CLIP4: variants seen among roughly 807,000 people sequenced by gnomAD.
CLIP4 encodes CAP-Gly domain-containing linker protein 4.
Under a neutral mutation model 73.1 loss-of-function variants are expected in CLIP4, and 47 were observed. The ratio of observed to expected loss-of-function variants is 0.64; its 90% CI spans 0.51 to 0.82. CLIP4 has a LOEUF of 0.82. Ranked by LOEUF, CLIP4 falls within the 40% of genes least tolerant of loss-of-function variation. The pLI, the probability that CLIP4 is intolerant of heterozygous loss-of-function variation, is 0.00. For synonymous variants in CLIP4, 306 were observed against 295.4 expected (o/e 1.04, Z -0.37); for missense variants, 874 against 852.9 (o/e 1.02, Z -0.31).
At position 29,107,371 on chromosome 2, in the gene CLIP4, T is replaced by TG. The variant is rs1558504980; in HGVS notation, c.-16+9424_-16+9425insG. 6.9e-3 allele frequency among the ~76,000 whole-genome samples: 824 copies of TG among 119,038 alleles called. 19 individuals are homozygous for TG. Among genetic ancestry groups the TG allele is most frequent in the African/African-American group, 0.028 (802 of 28,834 alleles). The allele number at this position is 119,038 out of a possible 152,430, so 78.1% of individuals were successfully genotyped here. On this transcript the variant is annotated intron_variant, in intron 1 of 14. Coordinates refer to the CLIP4 transcript ENST00000401605. ...TGGAACATGATAGTTTTTTTTTTTT[T>TG]TTTTTTTTTTTTTTTTTTGAGATGG...
At chr2:29,139,826 A>T (rs1384822935) in intron 6 of CLIP4, among the ~76,000 whole-genome samples, 1 of 151,866 alleles carries the variant, frequency 6.6e-6, no homozygotes, top group Non-Finnish European at 1.5e-5. Flanking sequence ...TTTCTGTGGG[A>T]TTGTTGTAAT....
chr2:29,162,243 G>A (rs1433430958), intron 12 of CLIP4, among the ~76,000 whole-genome samples: 1 of 152,134 alleles, frequency 6.6e-6, no homozygotes, highest in East Asian at 1.9e-4. Flanking sequence ...TTGGGAAGTA[G>A]TAAGCAAATA....
intron 5 of CLIP4, 128 bp from the exon 6 acceptor site, chr2:29,135,420 T>G (rs1438534320): frequency 9.9e-6 from 5 of 503,212 alleles, no homozygotes; most frequent in African/African-American, 2.0e-5. Flanking sequence ...TGTGAAATCA[T>G]GCCTCTAGTG....
intron 1 of CLIP4, among the ~76,000 whole-genome samples, chr2:29,106,487 C>T (rs1347530334): frequency 6.6e-6 from 1 of 152,168 alleles, no homozygotes; most frequent in Non-Finnish European, 1.5e-5. Flanking sequence ...TGAGCACTCA[C>T]TTTGAGTCAG....
chr2:29,174,892 TG>T (rs1473308178), intron 15 of CLIP4, among the ~76,000 whole-genome samples: 1 of 152,186 alleles, frequency 6.6e-6, no homozygotes, highest in African/African-American at 2.4e-5. Flanking sequence ...CCTTTTTTTT[TG>T]TTTTGTTGCA....
intron 3 of CLIP4, chr2:29,131,632 G>A (rs1040989211): frequency 2.8e-6 from 1 of 353,436 alleles, no homozygotes; most frequent in Non-Finnish European, 5.0e-6. Flanking sequence ...GCAGGGAGGG[G>A]CATTTTTCAT....
At chr2:29,169,012 G>T (rs111372119) in intron 14 of CLIP4, among the ~76,000 whole-genome samples, 8 of 147,322 alleles carry the variant, frequency 5.4e-5, no homozygotes, top group African/African-American at 2.0e-4. Flanking sequence ...AAAATGATTT[G>T]TATGATACCA....
At chr2:29,177,715 A>T (rs1417115565) in intron 15 of CLIP4, among the ~76,000 whole-genome samples, 1 of 152,156 alleles carries the variant, frequency 6.6e-6, no homozygotes, top group African/African-American at 2.4e-5. Context: ...GGGAGAAGAG[A>T]CGTCTTCCTC....
intron 15 of CLIP4, among the ~76,000 whole-genome samples, chr2:29,178,633 C>T (rs2879454): frequency 0.54 from 82,456 of 151,982 alleles, 23,611 homozygotes; most frequent in African/African-American, 0.67. Flanking sequence ...TGCTGTGATA[C>T]GAAAACATTT....
chr2:29,120,056 G>A lies in CLIP4; in HGVS notation c.-15-1318G>A, dbSNP rs541186015. On this transcript the variant is annotated intron_variant, in intron 1 of 15. Transcript: ENST00000320081. ...ACTGTTTGGAATTGATAGTATTTGAGGAAGATCACCGCTGCTCTATAACAC... is the reference window on the plus strand; with the variant it reads ...ACTGTTTGGAATTGATAGTATTTGAAGAAGATCACCGCTGCTCTATAACAC... Among the ~76,000 whole-genome samples, 6 of 152,222 alleles carry A rather than the reference G, an allele frequency of 3.9e-5. No homozygotes were observed. The East Asian group carries it at 1.2e-3, about 29-fold the overall frequency.
chr2:29,131,892 A>G, intron 3 of CLIP4: 1 of 426,732 alleles, frequency 2.3e-6, no homozygotes, highest in South Asian at 5.0e-5. Flanking sequence ...CTCATTTTTG[A>G]GAGGAACATA....
rs553278190 is a variant in CLIP4, at chr2:29,146,386, C to T, written c.1021+1019C>T. Among the ~76,000 whole-genome samples, 137 of 152,248 alleles carry T rather than the reference C, an allele frequency of 9.0e-4. 1 individual carries two copies. Among genetic ancestry groups the T allele is most frequent in the Non-Finnish European group, 1.3e-3 (89 of 68,026 alleles). On this transcript the variant is annotated intron_variant, in intron 8 of 15. Transcript: ENST00000320081. ...AATCAAGCAAGGCCAACTTTATGAC[C>T]GCATTCCTGAGGTTTCTTTGAAACT...
At chr2:29,153,656 A>G (rs563473850) in intron 9 of CLIP4, among the ~76,000 whole-genome samples, 168 of 152,338 alleles carry the variant, frequency 1.1e-3, no homozygotes, top group African/African-American at 3.8e-3. Flanking sequence ...GCAATGCACA[A>G]AACAGGTGCT....
In CLIP4 at chr2:29,183,368, G is replaced by C. The variant is rs1437656887; in HGVS notation, c.*1475G>C. 1 of 152,550 alleles carries C rather than the reference G, an allele frequency of 6.6e-6. No individual in the cohort carries two copies. The highest frequency in any genetic ancestry group is 1.9e-4 in the East Asian group (1 of 5,202). 9.4% of individuals were successfully genotyped at this position (152,550 alleles called of 1,614,324 possible). A position where few individuals can be genotyped will look rare whatever the true frequency, so the allele number is the denominator to read the frequency against. On this transcript the variant is annotated 3_prime_UTR_variant, in exon 16 of 16. Transcript: ENST00000320081. ...AAAATAGTGTGGTATTTCAAATATT[G>C]CTAGAGCTATTTTCCTGAAATACAT...
chr2:29,124,815 G>A (rs181314408), intron 2 of CLIP4, among the ~76,000 whole-genome samples: 301 of 152,046 alleles, frequency 2.0e-3, no homozygotes, highest in Non-Finnish European at 3.5e-3. Flanking sequence ...CTCCACCTTT[G>A]AACATTTGGA....
intron 14 of CLIP4, among the ~76,000 whole-genome samples, chr2:29,172,009 GT>G (rs34861574): frequency 0.41 from 49,004 of 120,036 alleles, 8,756 homozygotes; most frequent in Middle Eastern, 0.53. Context: ...CCCACCCTCT[GT>G]TTTTTTTTTT....
chr2:29,147,037 CAA>C (rs748126643), intron 8 of CLIP4, among the ~76,000 whole-genome samples: 51 of 152,168 alleles, frequency 3.4e-4, no homozygotes, highest in African/African-American at 9.9e-4. Context: ...GATTTGAAAA[CAA>C]GAGGAAAGTA....
At chr2:29,124,387 G>A (rs897927975) in intron 2 of CLIP4, among the ~76,000 whole-genome samples, 1 of 151,906 alleles carries the variant, frequency 6.6e-6, no homozygotes, top group Non-Finnish European at 1.5e-5. Context: ...TTTTTTGGCT[G>A]CTTTAAAGAG....
In CLIP4 at chr2:29,181,687, G is replaced by A; in HGVS notation, c.1912G>A (p.Gly638Ser). The part of the protein sequence containing the change: ...QVLLTSSNEM[G>S]TVRYVGPTDF... ...CCTGCTCACGAGCTCCAATGAGATG[G>A]GTACTGTTAGGTATGTGGGCCCCAC... is the stretch of plus-strand genomic sequence containing the variant. The change falls in exon 16 of 16, where the codon GGT becomes AGT. Residue 638 changes from glycine to serine, a missense_variant. By Grantham distance (56) the Gly-to-Ser change is moderately conservative. Transcript: ENST00000320081. 6.2e-7 allele frequency: 1 copy of A among 1,614,190 alleles called. No individual in the cohort carries two copies. The highest frequency in any genetic ancestry group is 8.5e-7 in the Non-Finnish European group (1 of 1,180,022).
Sources: allele counts gnomAD v4.1 joint callset (sites outside exome capture counted in the v4.1 genomes callset), GRCh38; gene constraint gnomAD v4.1.1; transcripts MANE v1.5; gene names NCBI Gene and HGNC (gene_info 2026-07-23, HGNC 2026-07-21).